OSBPL3: variants seen among roughly 807,000 people sequenced by gnomAD.
The protein encoded by OSBPL3 is oxysterol-binding protein-related protein 3.
A neutral mutation model predicts 120.1 loss-of-function variants in OSBPL3; 65 were observed. That is an observed-to-expected ratio of 0.54 (90% CI 0.44 to 0.67). The LOEUF (loss-of-function observed/expected upper bound fraction) is 0.67, where lower values mean the gene tolerates loss of function less well. OSBPL3 is among the 30% of genes least tolerant of loss of function. OSBPL3 has a pLI of 0.00. For missense variants in OSBPL3, 1,004 were observed against 1,082.1 expected (o/e 0.93, Z 1.01); for synonymous variants, 416 against 402.6 (o/e 1.03, Z -0.40).
In OSBPL3 at chr7:24,852,783, T is replaced by C; in HGVS notation, c.1028-149A>G. 1 of 581,638 alleles carries C rather than the reference T, an allele frequency of 1.7e-6. No individual in the cohort carries two copies. The highest frequency in any genetic ancestry group is 2.9e-6 in the Non-Finnish European group (1 of 346,814). The allele number at this position is 581,638 out of a possible 1,614,324, so 36.0% of individuals were successfully genotyped here. Reference sequence around the variant, plus strand: ...CAAATGTACATTCTACCTTGACTTTTAAAAAACACATTTGCCATGTAGAAC... The same window carrying C: ...CAAATGTACATTCTACCTTGACTTTCAAAAAACACATTTGCCATGTAGAAC... On this transcript the variant is annotated intron_variant, in intron 10 of 22. Transcript: ENST00000313367. The surrounding 1 kb of genome is among the most constrained non-coding windows in gnomAD (Gnocchi z 4.1).
chr7:24,941,911 T>C (rs1410957523), intron 1 of OSBPL3, among the ~76,000 whole-genome samples: 1 of 152,166 alleles, frequency 6.6e-6, no homozygotes, highest in Non-Finnish European at 1.5e-5. Context: ...ACTCCACTTA[T>C]CCTAAATGCA....
chr7:24,846,600 A>C (rs1189472810), intron 12 of OSBPL3, among the ~76,000 whole-genome samples: 4 of 152,320 alleles, frequency 2.6e-5, no homozygotes, highest in African/African-American at 9.6e-5. Flanking sequence ...TTGGAATCTA[A>C]AATAATCAAA....
In OSBPL3 at chr7:24,802,442, T is replaced by G. The variant is rs536544217; in HGVS notation, c.2567+1873A>C. Among the ~76,000 whole-genome samples the G allele has an allele frequency of 4.6e-4, 70 of 152,332 alleles. No homozygotes were observed. The highest frequency in any genetic ancestry group is 1.6e-3 in the African/African-American group (67 of 41,578). On this transcript the variant is annotated intron_variant, in intron 22 of 22. Coordinates refer to ENST00000313367, the MANE Select transcript of OSBPL3 (RefSeq NM_015550.4). The surrounding 1 kb of genome is among the most constrained non-coding windows in gnomAD (Gnocchi z 4.1). ...AATACTATGATCATTTTACAGACAG[T>G]CAAAAAGAAAAAGAGCAATGGCCGC...
At chr7:24,812,355 T>G (rs1256892586) in intron 19 of OSBPL3, among the ~76,000 whole-genome samples, 1 of 151,460 alleles carries the variant, frequency 6.6e-6, no homozygotes, top group Non-Finnish European at 1.5e-5. Context: ...AAGGTTCAGT[T>G]TCTATATATC....
At position 24,855,857 on chromosome 7, in the gene OSBPL3, G is replaced by C. The variant is rs1251592274; in HGVS notation, c.1028-3223C>G. Among the ~76,000 whole-genome samples the C allele has an allele frequency of 1.3e-5, 2 of 152,110 alleles. No homozygotes were observed. The highest frequency in any genetic ancestry group is 2.4e-5 in the African/African-American group (1 of 41,418). On this transcript the variant is annotated intron_variant, in intron 10 of 22. Transcript: ENST00000313367. The surrounding 1 kb of genome is among the most constrained non-coding windows in gnomAD (Gnocchi z 4.3). ...CTATGGTTACCTGACAATAAATAAA[G>C]CCACACAGAAAATCTTAGATGCTCA... is the stretch of plus-strand genomic sequence containing the variant.
intron 1 of OSBPL3, among the ~76,000 whole-genome samples, chr7:24,897,482 C>T (rs1358678892): frequency 6.6e-6 from 1 of 151,502 alleles, no homozygotes; most frequent in East Asian, 1.9e-4. Context: ...CCCGCTACCA[C>T]GCCCGGCTAA....
At chr7:24,975,352 G>C (rs1185203546) in intron 1 of OSBPL3, among the ~76,000 whole-genome samples, 1 of 152,192 alleles carries the variant, frequency 6.6e-6, no homozygotes, top group Non-Finnish European at 1.5e-5. Flanking sequence ...GACATAAAAT[G>C]ATGATGGCAT....
chr7:24,846,404 A>G (rs911877966), intron 12 of OSBPL3, among the ~76,000 whole-genome samples: 1 of 152,236 alleles, frequency 6.6e-6, no homozygotes, highest in Non-Finnish European at 1.5e-5. Context: ...CCTACTTCAT[A>G]GAGTCATGGT....
intron 13 of OSBPL3, 100 bp from the exon 14 acceptor site, chr7:24,840,883 C>T: frequency 3.2e-6 from 2 of 626,412 alleles, no homozygotes; most frequent in African/African-American, 1.9e-5. Context: ...TTGAGTCTCA[C>T]AGTACAAATA....
chr7:24,801,243 CAA>C (rs397976980), intron 22 of OSBPL3, among the ~76,000 whole-genome samples: 8,892 of 73,486 alleles, frequency 0.12, 213 homozygotes, highest in South Asian at 0.19. Context: ...GACTCCTTCT[CAA>C]AAAAAAAAAA....
At position 24,815,343 on chromosome 7, in the gene OSBPL3, C is replaced by G. The variant is rs73691250; in HGVS notation, c.2028-140G>C. 3.4e-3 allele frequency: 2,237 copies of G among 663,048 alleles called. 37 individuals are homozygous for G. In the African/African-American group the frequency reaches 0.037, roughly 11 times the overall value. 41.1% of individuals were successfully genotyped at this position (663,048 alleles called of 1,614,324 possible). A position where few individuals can be genotyped will look rare whatever the true frequency, so the allele number is the denominator to read the frequency against. On this transcript the variant is annotated intron_variant, in intron 18 of 22. Transcript: ENST00000313367. This position sits in a 1 kb window ranked among gnomAD's most constrained non-coding sequence, Gnocchi z 5.1. ...CACAGAAGCAACACTGGCTAAGTGT[C>G]TATGTCACACTGGATGTTCTAGGAG...
At chr7:24,801,243 C>CAAAAAAAA (rs397976980) in intron 22 of OSBPL3, among the ~76,000 whole-genome samples, 1 of 73,994 alleles carries the variant, frequency 1.4e-5, no homozygotes, top group Non-Finnish European at 2.8e-5. Context: ...GACTCCTTCT[C>CAAAAAAAA]AAAAAAAAAA....
At chr7:24,962,271 C>T (rs1815837548) in intron 1 of OSBPL3, among the ~76,000 whole-genome samples, 1 of 151,274 alleles carries the variant, frequency 6.6e-6, no homozygotes, top group African/African-American at 2.4e-5. Flanking sequence ...CCATTACACT[C>T]CAGCCTGGGC....
intron 19 of OSBPL3, among the ~76,000 whole-genome samples, chr7:24,811,746 T>C (rs933153135): frequency 2.0e-5 from 3 of 152,244 alleles, no homozygotes; most frequent in African/African-American, 7.2e-5. Flanking sequence ...CACCATTTAT[T>C]GAAGAGACTG....
chr7:24,865,411 A>AAAATGAT lies in OSBPL3; in HGVS notation c.597_603dup (p.Ser202IlefsTer7). On this transcript the variant is annotated frameshift_variant, in exon 7 of 23. Coordinates refer to ENST00000313367, the MANE Select transcript of OSBPL3 (RefSeq NM_015550.4). LOFTEE classifies it high-confidence loss of function. ...GGAACTCGTGTCTCACCACCACAAG[A>AAAATGAT]AAATGATACATTGCTTCCAGTTTGA... 1.2e-6 allele frequency: 2 copies of AAAATGAT among 1,613,498 alleles called. No homozygotes were observed. The highest frequency in any genetic ancestry group is 8.5e-7 in the Non-Finnish European group (1 of 1,179,382).
At chr7:24,861,985 C>T (rs1355545073) in intron 9 of OSBPL3, among the ~76,000 whole-genome samples, 1 of 151,282 alleles carries the variant, frequency 6.6e-6, no homozygotes, top group Non-Finnish European at 1.5e-5. Context: ...CTCCCGAGTT[C>T]ACAGCATTCT....
chr7:24,925,062 CA>C (rs1485246164), intron 1 of OSBPL3, among the ~76,000 whole-genome samples: 1 of 152,106 alleles, frequency 6.6e-6, no homozygotes, highest in African/African-American at 2.4e-5. Context: ...AATTAACATT[CA>C]AAAAACGTTA....
In OSBPL3 at chr7:24,933,807, T is replaced by G. The variant is rs1399691761; in HGVS notation, c.-149-41186A>C. On this transcript the variant is annotated intron_variant, in intron 1 of 22. Coordinates refer to ENST00000313367, the MANE Select transcript of OSBPL3 (RefSeq NM_015550.4). The surrounding 1 kb of genome is among the most constrained non-coding windows in gnomAD (Gnocchi z 5.1). ...AATTCCCAAAGTTACTATCTGCTTT[T>G]GCTATCAAAGTTTGGAATTTCAGTC... Among the ~76,000 whole-genome samples the G allele has an allele frequency of 6.6e-6, 1 of 152,236 alleles. No individual in the cohort carries two copies. The highest frequency in any genetic ancestry group is 1.9e-4 in the East Asian group (1 of 5,208).
chr7:24,805,000 C>T lies in OSBPL3; in HGVS notation c.2445-563G>A, dbSNP rs1302426383. Among the ~76,000 whole-genome samples, 1 of 152,130 alleles carries T rather than the reference C, an allele frequency of 6.6e-6. No homozygotes were observed. Among genetic ancestry groups the T allele is most frequent in the Non-Finnish European group, 1.5e-5 (1 of 68,014 alleles). On this transcript the variant is annotated intron_variant, in intron 21 of 22. Transcript: ENST00000313367. This position sits in a 1 kb window ranked among gnomAD's most constrained non-coding sequence, Gnocchi z 5.4. ...ATTTAGACAATTTCCTATGGATAGACATTTGAATCATTTGAATCATTTTAA... is the reference window on the plus strand; with the variant it reads ...ATTTAGACAATTTCCTATGGATAGATATTTGAATCATTTGAATCATTTTAA...
Sources: allele counts gnomAD v4.1 joint callset (sites outside exome capture counted in the v4.1 genomes callset), GRCh38; gene constraint gnomAD v4.1.1; non-coding constraint Gnocchi (gnomAD v3.1); transcripts MANE v1.5; gene names NCBI Gene and HGNC (gene_info 2026-07-23, HGNC 2026-07-21).